FYB1: variants seen among roughly 807,000 people sequenced by gnomAD.
FYB1 encodes the protein FYN-binding protein 1.
Under a neutral mutation model 94.1 loss-of-function variants are expected in FYB1, and 41 were observed. The observed-to-expected ratio is 0.44, with a 90% CI of 0.34 to 0.57. The LOEUF (loss-of-function observed/expected upper bound fraction) is 0.57, where lower values mean the gene tolerates loss of function less well. Among genes scored for constraint, FYB1 ranks in the 20% least tolerant of loss-of-function variants. FYB1 has a pLI of 0.02. For missense variants in FYB1, 1,050 were observed against 976.8 expected (o/e 1.07, Z -1.00); for synonymous variants, 367 against 353.2 (o/e 1.04, Z -0.44).
At chr5:39,175,821 A>G (rs552604281) in intron 2 of FYB1, among the ~76,000 whole-genome samples, 4 of 152,274 alleles carry the variant, frequency 2.6e-5, no homozygotes, top group Admixed American at 2.6e-4. Flanking sequence ...TTTGGTCATT[A>G]CAATAGTGAA....
chr5:39,221,380 G>A (rs1200730737), upstream of FYB1, among the ~76,000 whole-genome samples: 2 of 152,180 alleles, frequency 1.3e-5, no homozygotes, highest in African/African-American at 4.8e-5. Flanking sequence ...GGGAACAGGA[G>A]GACAGACATT....
At chr5:39,121,671 C>T (rs1178517553) in intron 14 of FYB1, among the ~76,000 whole-genome samples, 1 of 151,952 alleles carries the variant, frequency 6.6e-6, no homozygotes, top group Non-Finnish European at 1.5e-5. Flanking sequence ...GAGAAAGCAA[C>T]CTACCATGTT....
intron 1 of FYB1, among the ~76,000 whole-genome samples, chr5:39,233,319 T>C (rs1750828431): frequency 6.6e-6 from 1 of 152,154 alleles, no homozygotes; most frequent in Non-Finnish European, 1.5e-5. Flanking sequence ...GTGAGCATCC[T>C]TAGCAGTGTC....
Position 39,186,625 on chromosome 5 carries a change from C to T in FYB1, c.1135+15201G>A, listed in dbSNP as rs1052201427. On this transcript the variant is annotated intron_variant, in intron 2 of 18. Transcript: ENST00000512982. ...AAAACAAAATGTGATTTAACACCTGCAACAATTGGATGCTTTTTTTTTTTT... is the reference window on the plus strand; with the variant it reads ...AAAACAAAATGTGATTTAACACCTGTAACAATTGGATGCTTTTTTTTTTTT... Among the ~76,000 whole-genome samples, 3 of 136,776 alleles carry T rather than the reference C, an allele frequency of 2.2e-5. No homozygotes were observed. The South Asian group carries it at 7.1e-4, about 32-fold the overall frequency. 89.7% of individuals were successfully genotyped at this position (136,776 alleles called of 152,430 possible). A position where few individuals can be genotyped will look rare whatever the true frequency, so the allele number is the denominator to read the frequency against.
intron 14 of FYB1, 124 bp downstream of exon 14, chr5:39,122,212 A>G: frequency 1.6e-6 from 1 of 634,232 alleles, no homozygotes; most frequent in Non-Finnish European, 2.8e-6. Context: ...AGCTTTAGAG[A>G]GGAGTCCAGA....
At chr5:39,245,439 G>A (rs983281664) in intron 1 of FYB1, among the ~76,000 whole-genome samples, 1 of 152,072 alleles carries the variant, frequency 6.6e-6, no homozygotes, top group Admixed American at 6.5e-5. Flanking sequence ...TTATTCTTCT[G>A]AGCTTTTGAA....
intron 7 of FYB1, among the ~76,000 whole-genome samples, chr5:39,135,326 T>C (rs1427973856): frequency 1.3e-5 from 2 of 152,232 alleles, no homozygotes; most frequent in Admixed American, 1.3e-4. Flanking sequence ...ACAGCGTTTA[T>C]GTACAACAAT....
At chr5:39,146,961 A>C (rs1186785395) in intron 3 of FYB1, among the ~76,000 whole-genome samples, 1 of 152,206 alleles carries the variant, frequency 6.6e-6, no homozygotes, top group Non-Finnish European at 1.5e-5. Flanking sequence ...ACTGTCAGCA[A>C]ATTCGCTAAG....
intron 2 of FYB1, among the ~76,000 whole-genome samples, chr5:39,188,077 A>G (rs1297831528): frequency 6.6e-6 from 1 of 152,186 alleles, no homozygotes; most frequent in African/African-American, 2.4e-5. Context: ...GTTGGTGTGC[A>G]CTATCTACCA....
intron 13 of FYB1, among the ~76,000 whole-genome samples, chr5:39,122,914 G>T (rs536688279): frequency 7.6e-4 from 115 of 152,112 alleles, no homozygotes; most frequent in African/African-American, 2.7e-3. Flanking sequence ...ATTAGGAGTG[G>T]CACCACCTTT....
intron 2 of FYB1, among the ~76,000 whole-genome samples, chr5:39,181,191 G>A (rs543329394): frequency 6.6e-6 from 1 of 152,320 alleles, no homozygotes; most frequent in East Asian, 1.9e-4. Flanking sequence ...TTTTAGAGGT[G>A]TGAGAATTGA....
At chr5:39,243,946 T>C (rs1021067909) in intron 1 of FYB1, among the ~76,000 whole-genome samples, 3 of 152,186 alleles carry the variant, frequency 2.0e-5, no homozygotes, top group Non-Finnish European at 4.4e-5. Context: ...TCTGTTTGTC[T>C]GTTATTGGTG....
intron 1 of FYB1, among the ~76,000 whole-genome samples, chr5:39,258,020 C>T (rs1752038987): frequency 6.6e-6 from 1 of 152,164 alleles, no homozygotes; most frequent in African/African-American, 2.4e-5. Flanking sequence ...TTTGTTAATA[C>T]ACAGGTGGCT....
rs60141586 is a variant in FYB1, at chr5:39,255,098, A to C, written c.-28+19305T>G. Among the ~76,000 whole-genome samples the C allele has an allele frequency of 1.6e-3, 251 of 152,280 alleles. 2 individuals carry two copies. The East Asian group carries it at 0.039, about 24-fold the overall frequency. ...TATTTTCGGAACAATTTATCATCAC[A>C]TGCATCTCATTTTTACAAGAGGAGA... On this transcript the variant is annotated intron_variant, in intron 1 of 1. Transcript: ENST00000510188.
chr5:39,189,421 A>G (rs1201503838), intron 2 of FYB1, among the ~76,000 whole-genome samples: 4 of 152,288 alleles, frequency 2.6e-5, no homozygotes, highest in Non-Finnish European at 5.9e-5. Flanking sequence ...ATGACTATCA[A>G]TAGCAACAGA....
At chr5:39,172,058 A>G (rs942210101) in intron 2 of FYB1, among the ~76,000 whole-genome samples, 1 of 152,344 alleles carries the variant, frequency 6.6e-6, no homozygotes, top group Non-Finnish European at 1.5e-5. Context: ...TCTTTAATGC[A>G]TTCTTTATAT....
chr5:39,164,566 A>C (rs1349152291), intron 2 of FYB1, among the ~76,000 whole-genome samples: 1 of 152,098 alleles, frequency 6.6e-6, no homozygotes, highest in African/African-American at 2.4e-5. Flanking sequence ...CTGGGATTAT[A>C]GGTAACCACC....
At chr5:39,124,829 C>A (rs1198410970) in intron 12 of FYB1, among the ~76,000 whole-genome samples, 1 of 151,698 alleles carries the variant, frequency 6.6e-6, no homozygotes, top group African/African-American at 2.4e-5. Flanking sequence ...AATTAAAGTG[C>A]TCTGAAATCA....
chr5:39,159,374 T>A (rs935963797), intron 2 of FYB1, among the ~76,000 whole-genome samples: 2 of 152,200 alleles, frequency 1.3e-5, no homozygotes, highest in Non-Finnish European at 2.9e-5. Context: ...TGGTGAACTC[T>A]GCACTAAGTA....
Sources: gnomAD v4.1 joint callset for allele counts (sites outside exome capture counted in the v4.1 genomes callset) on GRCh38, gnomAD v4.1.1 for gene constraint, MANE v1.5 for transcripts, NCBI Gene and HGNC (gene_info 2026-07-23, HGNC 2026-07-21) for gene names.